WDFY4: variants seen among roughly 807,000 people sequenced by gnomAD.
The protein encoded by WDFY4 is WD repeat- and FYVE domain-containing protein 4.
In WDFY4, 169 loss-of-function variants were observed where a neutral mutation model predicts 351.9. That is an observed-to-expected ratio of 0.48 (90% CI 0.42 to 0.55). WDFY4 has a LOEUF of 0.55. Ranked by LOEUF, WDFY4 falls within the 20% of genes least tolerant of loss-of-function variation. The pLI is 0.00. For missense variants in WDFY4, 3,803 were observed against 3,935.6 expected (o/e 0.97, Z 0.90); for synonymous variants, 1,622 against 1,574.6 (o/e 1.03, Z -0.71).
intron 48 of WDFY4, among the ~76,000 whole-genome samples, chr10:48,942,530 T>C (rs1840832337): frequency 6.6e-6 from 1 of 152,216 alleles, no homozygotes; most frequent in African/African-American, 2.4e-5. Context: ...TCCTGGAAGA[T>C]ACACGTGGCT....
intron 47 of WDFY4, among the ~76,000 whole-genome samples, chr10:48,940,005 T>C (rs905977468): frequency 1.3e-5 from 2 of 152,240 alleles, no homozygotes. Flanking sequence ...GCTCCACTTC[T>C]TTCATTCCTC....
intron 43 of WDFY4, among the ~76,000 whole-genome samples, chr10:48,890,138 A>T (rs2070631619): frequency 6.6e-6 from 1 of 152,220 alleles, no homozygotes; most frequent in African/African-American, 2.4e-5. Flanking sequence ...TTCTAGGCAC[A>T]TTTGAATTCT....
chr10:48,813,913 T>C, intron 30 of WDFY4, 44 bp from the exon 31 acceptor site: 1 of 1,456,460 alleles, frequency 6.9e-7, no homozygotes, highest in Non-Finnish European at 9.1e-7. Context: ...GTTCTCTTGG[T>C]GAGTAGCCGC....
chr10:48,706,041 T>A (rs1185059985), intron 1 of WDFY4, among the ~76,000 whole-genome samples: 1 of 152,138 alleles, frequency 6.6e-6, no homozygotes, highest in East Asian at 1.9e-4. Flanking sequence ...GGATGGCAGT[T>A]TGGTTGGACA....
In WDFY4 at chr10:48,873,674, G is replaced by T. The variant is rs1238002701; in HGVS notation, c.6925G>T (p.Ala2309Ser). 6 of 1,551,854 alleles carry T rather than the reference G, an allele frequency of 3.9e-6. No individual in the cohort carries two copies. The highest frequency in any genetic ancestry group is 5.2e-6 in the Non-Finnish European group (6 of 1,147,030). Reference protein sequence around the residue: ...KRIKRLSPLEALSSGRHKESQ... With the variant: ...KRIKRLSPLESLSSGRHKESQ... Reference sequence around the variant, plus strand: ...CATCAAACGCTTGTCTCCTTTGGAGGCCCTGAGCTCAGGAAGGCACAAGGT... The same window carrying T: ...CATCAAACGCTTGTCTCCTTTGGAGTCCCTGAGCTCAGGAAGGCACAAGGT... Residue 2309 changes from alanine (A) to serine (S), a missense_variant, in exon 41 of 62, where the codon GCC (alanine) becomes TCC (serine). Around this residue, in one of 3 missense-constraint regions of WDFY4, gnomAD observed 3,054 missense variants for 3,148.6 expected, o/e 0.97. Transcript: ENST00000325239.
At chr10:48,849,670 T>C (rs1185343346) in intron 39 of WDFY4, among the ~76,000 whole-genome samples, 2 of 152,222 alleles carry the variant, frequency 1.3e-5, no homozygotes, top group African/African-American at 2.4e-5. Context: ...CTTTCCACAT[T>C]CACATTCACT....
At chr10:48,955,690 G>A (rs1841554058) in intron 51 of WDFY4, among the ~76,000 whole-genome samples, 1 of 152,232 alleles carries the variant, frequency 6.6e-6, no homozygotes, top group African/African-American at 2.4e-5. Context: ...CTGCTGTGAG[G>A]ATTAGGAGAG....
chr10:48,939,331 A>G (rs1840621019), intron 47 of WDFY4, among the ~76,000 whole-genome samples: 1 of 152,262 alleles, frequency 6.6e-6, no homozygotes, highest in Admixed American at 6.5e-5. Flanking sequence ...TTCCAGACCC[A>G]TGGTCTCACT....
intron 23 of WDFY4, among the ~76,000 whole-genome samples, chr10:48,791,977 G>A (rs555906309): frequency 8.9e-4 from 136 of 152,216 alleles, no homozygotes; most frequent in Non-Finnish European, 1.4e-3. Context: ...TCCCTCCTGT[G>A]TGTAAAACCT....
chr10:48,898,477 G>GAGC (rs2133399046), intron 45 of WDFY4, among the ~76,000 whole-genome samples: 1 of 152,300 alleles, frequency 6.6e-6, no homozygotes, highest in Admixed American at 6.5e-5. Context: ...GCCAGCAAGA[G>GAGC]AGCAGTGCTT....
chr10:48,815,645 G>A (rs2067593951), intron 31 of WDFY4, among the ~76,000 whole-genome samples: 1 of 151,974 alleles, frequency 6.6e-6, no homozygotes, highest in Admixed American at 6.6e-5. Context: ...TTTTTGTAGA[G>A]ACGGGGATTC....
chr10:48,857,773 T>G (rs891465510), intron 39 of WDFY4, among the ~76,000 whole-genome samples: 9 of 151,750 alleles, frequency 5.9e-5, no homozygotes, highest in East Asian at 1.9e-4. Context: ...TCTGATGATA[T>G]TTTTTGTTTT....
intron 53 of WDFY4, among the ~76,000 whole-genome samples, chr10:48,963,221 A>G (rs976240919): frequency 5.3e-5 from 8 of 152,242 alleles, no homozygotes; most frequent in African/African-American, 1.9e-4. Flanking sequence ...AGTGCCTGGC[A>G]TCGTATGTGC....
chr10:48,879,450 G>T (rs1317434269), intron 43 of WDFY4, among the ~76,000 whole-genome samples: 2 of 152,206 alleles, frequency 1.3e-5, no homozygotes, highest in South Asian at 2.1e-4. Flanking sequence ...TCTCCATATT[G>T]GTTCTTTTCA....
rs139011119 is a variant in WDFY4, at chr10:48,840,632, GA to G, written c.6663+7926del. 7.9e-5 allele frequency among the ~76,000 whole-genome samples: 12 copies of G among 152,300 alleles called. No homozygotes were observed. The East Asian group carries it at 2.3e-3, about 29-fold the overall frequency. On this transcript the variant is annotated intron_variant, in intron 39 of 61. Coordinates refer to ENST00000325239, the MANE Select transcript of WDFY4 (RefSeq NM_001394531.1). ...GGAAGGAGTCTGATCAATTGCACCA[GA>G]AACTCAGCAGCAGAACTGAACAAGG...
At chr10:48,873,125 T>C (rs551698943) in intron 40 of WDFY4, among the ~76,000 whole-genome samples, 25 of 152,218 alleles carry the variant, frequency 1.6e-4, no homozygotes, top group African/African-American at 5.8e-4. Context: ...TTTTGAAGGG[T>C]GGGATTGTGG....
chr10:48,948,222 C>T (rs948278232), intron 51 of WDFY4, among the ~76,000 whole-genome samples: 12 of 152,224 alleles, frequency 7.9e-5, no homozygotes, highest in African/African-American at 2.9e-4. Context: ...GTATAACCCC[C>T]TCTCCCTGGA....
At chr10:48,832,018 G>C (rs189626616) in intron 38 of WDFY4, among the ~76,000 whole-genome samples, 1 of 152,318 alleles carries the variant, frequency 6.6e-6, no homozygotes, top group South Asian at 2.1e-4. Flanking sequence ...ACATTCAAAC[G>C]ATAGCAATAC....
In WDFY4 at chr10:48,729,549, C is replaced by T; in HGVS notation, c.1089C>T (p.Tyr363=). 1.3e-6 allele frequency: 2 copies of T among 1,551,714 alleles called. No homozygotes were observed. The highest frequency in any genetic ancestry group is 1.7e-6 in the Non-Finnish European group (2 of 1,146,988). Residue 363 remains tyrosine (Y), a synonymous_variant, in exon 8 of 62, where the codon TAC becomes TAT. Transcript: ENST00000325239. ...TGAAGGTGTTTGACAGCATCACTTACCCTCAGCTTGAAGGCTTCAAGTTCC... is the reference window on the plus strand; with the variant it reads ...TGAAGGTGTTTGACAGCATCACTTATCCTCAGCTTGAAGGCTTCAAGTTCC... ...SELKVFDSIT[Y]PQLEGFKFHH...
Sources: allele counts gnomAD v4.1 joint callset (sites outside exome capture counted in the v4.1 genomes callset), GRCh38; gene constraint gnomAD v4.1.1; regional missense constraint gnomAD v4.1.1; transcripts MANE v1.5; gene names NCBI Gene and HGNC (gene_info 2026-07-23, HGNC 2026-07-21).